The following LRR1 variants were observed in gnomAD, a reference collection of about 807,000 sequenced individuals.
LRR1 encodes leucine-rich repeat protein 1.
A neutral mutation model predicts 31.6 loss-of-function variants in LRR1; 29 were observed. The ratio of observed to expected loss-of-function variants is 0.92; its 90% CI spans 0.68 to 1.25. The LOEUF (loss-of-function observed/expected upper bound fraction) is 1.25. LRR1 is among the 50% of genes most tolerant of loss of function. LRR1 has a pLI of 0.00. For synonymous variants in LRR1, 179 were observed against 181.4 expected, an observed-to-expected ratio of 0.99 and a Z score of 0.10; for missense variants, 485 against 487.2, an observed-to-expected ratio of 1.00 and a Z score of 0.04.
At chr14:49,612,932 G>C (rs2139555307) in intron 3 of LRR1, among the ~76,000 whole-genome samples, 1 of 152,286 alleles carries the variant, frequency 6.6e-6, no homozygotes, top group Admixed American at 6.5e-5. Context: ...CAGCGCAGTG[G>C]CTCTTGCCTG....
chr14:49,603,709 AATG>A (rs1566493060), intron 2 of LRR1: 1 of 98,360 alleles, frequency 1.0e-5, no homozygotes, highest in Non-Finnish European at 1.2e-5. Flanking sequence ...TTTTTTTTTT[AATG>A]AGACAGAGTC....
chr14:49,602,508 A>G (rs768596747), intron 2 of LRR1, 40 bp downstream of exon 2: 2 of 1,522,558 alleles, frequency 1.3e-6, no homozygotes, highest in South Asian at 1.1e-5. Context: ...ATTTGGCTGT[A>G]TTTTCTTTAT....
rs140143345 is a variant in LRR1 at position 49,613,786 on chromosome 14, C to T, written c.1005-470C>T. Among the ~76,000 whole-genome samples the T allele has an allele frequency of 2.3e-4, 35 of 152,284 alleles. No homozygotes were observed. In the East Asian group the frequency reaches 6.6e-3, roughly 29 times the overall value. On this transcript the variant is annotated intron_variant, in intron 3 of 3. Coordinates refer to ENST00000298288, the MANE Select transcript of LRR1 (RefSeq NM_152329.4). The stretch of plus-strand genomic sequence containing the variant: ...AGAGCGCGCACCACTGCACTCTAGC[C>T]TGGGTGTCAAAGCGAGACTCTGTCT...
At chr14:49,599,243 C>T (rs1199470273) in intron 1 of LRR1, 40 bp downstream of exon 1, 11 of 1,534,730 alleles carry the variant, frequency 7.2e-6, no homozygotes, top group South Asian at 1.2e-5. Flanking sequence ...TCGCGTTCTT[C>T]TTGGAAGCCG....
Position 49,605,991 on chromosome 14 carries a change from C to CAT in LRR1, c.283-1407_283-1406dup, listed in dbSNP as rs568404297. On this transcript the variant is annotated intron_variant, in intron 2 of 3. Coordinates refer to ENST00000298288, the MANE Select transcript of LRR1 (RefSeq NM_152329.4). ...ACTGTATTTCCAATCTTTTGCTCTA[C>CAT]ATAGCTTCCATGTTCCAACAAAAAT... Among the ~76,000 whole-genome samples the CAT allele has an allele frequency of 6.3e-4, 96 of 151,670 alleles. 3 individuals carry two copies. In the South Asian group the frequency reaches 0.02, roughly 32 times the overall value.
Position 49,607,488 on chromosome 14 carries a change from C to T in LRR1, c.371C>T (p.Thr124Ile). 2 of 1,614,086 alleles carry T rather than the reference C, an allele frequency of 1.2e-6. No homozygotes were observed. Among genetic ancestry groups the T allele is most frequent in the Non-Finnish European group, 1.7e-6 (2 of 1,180,006 alleles). ...GTTGATACACCAGTTTCAACGCTCA[C>T]ACCAGTGAAGACTTCAGAATTTGAA... ...CNVDTPVSTL[T>I]PVKTSEFENF... The change falls in exon 3 of 4, where the codon ACA (threonine) becomes ATA (isoleucine). Residue 124 changes from threonine (T) to isoleucine (I), a missense_variant. This residue lies in a region of LRR1 where 260 missense variants were observed against 249.6 expected (regional missense o/e 1.04). Transcript: ENST00000298288.
intron 3 of LRR1, among the ~76,000 whole-genome samples, chr14:49,608,447 T>G (rs1274088642): frequency 8.0e-6 from 1 of 124,324 alleles, no homozygotes; most frequent in African/African-American, 3.0e-5. Context: ...TTTTTTTTTT[T>G]GGTCATAGGA....
chr14:49,608,406 A>ATTTTTTTTTTTTTTTTTTTTTTTT (rs71408651), intron 3 of LRR1, among the ~76,000 whole-genome samples: 4 of 21,098 alleles, frequency 1.9e-4, no homozygotes, highest in Non-Finnish European at 3.3e-4. Context: ...ACATTGCTTG[A>ATTTTTTTTTTTTTTTTTTTTTTTT]TTTTTTTTTT....
In LRR1 at chr14:49,614,271, T is replaced by TCATATCATTC; in HGVS notation, c.1024_1033dup (p.Phe345TyrfsTer47). 1.9e-6 allele frequency: 3 copies of TCATATCATTC among 1,612,980 alleles called. No homozygotes were observed. The highest frequency in any genetic ancestry group is 1.3e-5 in the African/African-American group (1 of 75,036). On this transcript the variant is annotated frameshift_variant, in exon 4 of 4. Transcript: ENST00000298288. LOFTEE classifies it high-confidence loss of function. The stretch of plus-strand genomic sequence containing the variant: ...TTTCCAATAGGATTCCATATGGCTC[T>TCATATCATTC]CATATCATTCCATTCCATCTCTGCC...
At chr14:49,608,173 T>G (rs758627396) in intron 3 of LRR1, 52 bp downstream of exon 3, 1 of 1,482,182 alleles carries the variant, frequency 6.7e-7, no homozygotes, top group South Asian at 1.4e-5. Context: ...ATTCTAATAT[T>G]CCTATCAAAC....
intron 2 of LRR1, among the ~76,000 whole-genome samples, chr14:49,604,377 G>A (rs992714678): frequency 6.6e-6 from 1 of 152,008 alleles, no homozygotes; most frequent in Non-Finnish European, 1.5e-5. Flanking sequence ...CTGGGAGGCC[G>A]AGGCAGGAGG....
chr14:49,604,467 A>G (rs1203047928), intron 2 of LRR1, among the ~76,000 whole-genome samples: 4 of 152,174 alleles, frequency 2.6e-5, no homozygotes, highest in East Asian at 3.9e-4. Context: ...TGGGAGCCCT[A>G]GTTGGGCGGA....
rs1288036077 is a variant in LRR1 at position 49,602,488 on chromosome 14, A to T, written c.282+20A>T. Reference sequence around the variant, plus strand: ...AGTAAGGTATGGTATTAAAAACATTAATGATTAATATTTGGCTGTATTTTC... The same window carrying T: ...AGTAAGGTATGGTATTAAAAACATTTATGATTAATATTTGGCTGTATTTTC... On this transcript the variant is annotated intron_variant, in intron 2 of 3. Coordinates refer to ENST00000298288, the MANE Select transcript of LRR1 (RefSeq NM_152329.4). 2 of 1,566,810 alleles carry T rather than the reference A, an allele frequency of 1.3e-6. No individual in the cohort carries two copies. Among genetic ancestry groups the T allele is most frequent in the Non-Finnish European group, 1.8e-6 (2 of 1,139,556 alleles).
chr14:49,603,144 C>A (rs572494298), intron 2 of LRR1, among the ~76,000 whole-genome samples: 1 of 152,276 alleles, frequency 6.6e-6, no homozygotes, highest in Admixed American at 6.5e-5. Flanking sequence ...TGTGCTCAGC[C>A]TGGCCTGTAT....
rs777157858 is a variant in LRR1, at chr14:49,607,578, A to G, written c.461A>G (p.Tyr154Cys). Residue 154 changes from tyrosine (Y) to cysteine (C), a missense_variant, in exon 3 of 4, where the codon TAT becomes TGT. By Grantham distance (194) the Tyr-to-Cys change is radical. This residue lies in a region of LRR1 where 260 missense variants were observed against 249.6 expected (regional missense o/e 1.04). Transcript: ENST00000298288. ...TATCCTCTAAGTAAGAATTTTCCAT[A>G]TTCCTTGGAACATCTTCAGACTTCT... ...KDYPLSKNFPYSLEHLQTSYC... is the reference protein window; with the variant it reads ...KDYPLSKNFPCSLEHLQTSYC... The G allele has an allele frequency of 6.2e-7, 1 of 1,614,196 alleles. No individual in the cohort carries two copies. Among genetic ancestry groups the G allele is most frequent in the Admixed American group, 1.7e-5 (1 of 60,018 alleles).
chr14:49,612,516 T>C, intron 3 of LRR1: 1 of 1,250,718 alleles, frequency 8.0e-7, no homozygotes, highest in Non-Finnish European at 1.0e-6. Flanking sequence ...TGGGAGACAC[T>C]CCCTGGCAGA....
At chr14:49,609,229 T>TTTTTTTTTTTTC (rs1882418032) in intron 3 of LRR1, among the ~76,000 whole-genome samples, 4 of 122,738 alleles carry the variant, frequency 3.3e-5, no homozygotes, top group Admixed American at 2.5e-4. Context: ...TTTTTTTTTT[T>TTTTTTTTTTTTC]TTTTTTTTTT....
rs1209396160 is a variant in LRR1 at position 49,607,559 on chromosome 14, CTAAG to C, written c.447_450del (p.Ser149ArgfsTer27). ...TATCACATCCAAAAAAGACTATCCTCTAAGTAAGAATTTTCCATATTCCTTGGAA... is the reference window on the plus strand; with the variant it reads ...TATCACATCCAAAAAAGACTATCCTCTAAGAATTTTCCATATTCCTTGGAA... On this transcript the variant is annotated frameshift_variant, in exon 3 of 4. Transcript: ENST00000298288. LOFTEE classifies it high-confidence loss of function. 6.2e-7 allele frequency: 1 copy of C among 1,614,118 alleles called. No homozygotes were observed. The highest frequency in any genetic ancestry group is 1.7e-5 in the Admixed American group (1 of 59,986).
At chr14:49,603,018 T>TTA (rs397703839) in intron 2 of LRR1, among the ~76,000 whole-genome samples, 10 of 151,032 alleles carry the variant, frequency 6.6e-5, no homozygotes, top group South Asian at 2.1e-4. Flanking sequence ...TTTTTTTTTT[T>TTA]ATCTTTAGTA....
Sources: gnomAD v4.1 joint callset for allele counts (sites outside exome capture counted in the v4.1 genomes callset) on GRCh38, gnomAD v4.1.1 for gene constraint, gnomAD v4.1.1 regional missense constraint, MANE v1.5 for transcripts, NCBI Gene and HGNC (gene_info 2026-07-23, HGNC 2026-07-21) for gene names.